ACTR6: variants seen among roughly 807,000 people sequenced by gnomAD.
ACTR6 encodes actin-related protein 6.
ACTR6 carries 50 observed loss-of-function variants against 52.5 expected under a neutral mutation model. The ratio of observed to expected loss-of-function variants is 0.95; its 90% CI spans 0.76 to 1.20. The LOEUF (loss-of-function observed/expected upper bound fraction) is 1.20, where lower values mean the gene tolerates loss of function less well. ACTR6 is among the 50% of genes most tolerant of loss of function. The probability of loss-of-function intolerance (pLI) is 0.00; values close to 1 mark genes in which losing one functional copy is unlikely to be tolerated. For synonymous variants in ACTR6, 135 were observed against 147.2 expected (o/e 0.92, Z 0.60); for missense variants, 344 against 472.4 (o/e 0.73, Z 2.52).
intron 8 of ACTR6, among the ~76,000 whole-genome samples, chr12:100,214,580 T>A (rs1045259830): frequency 2.6e-4 from 39 of 147,880 alleles, no homozygotes; most frequent in African/African-American, 7.8e-4. Context: ...AAAAAAAAAA[T>A]TAAAATTAGC....
At chr12:100,221,118 T>G (rs1324626689) in intron 10 of ACTR6, among the ~76,000 whole-genome samples, 2 of 152,066 alleles carry the variant, frequency 1.3e-5, no homozygotes, top group African/African-American at 2.4e-5. Flanking sequence ...CAAGGGCTCA[T>G]GAGTTGGCAA....
At chr12:100,219,175 A>G (rs988364012) in intron 9 of ACTR6, among the ~76,000 whole-genome samples, 10 of 151,616 alleles carry the variant, frequency 6.6e-5, no homozygotes, top group East Asian at 5.8e-4. Context: ...AAAAAAAAAA[A>G]AAAAGAAAAA....
At chr12:100,222,838 G>A (rs545732852) in intron 10 of ACTR6, among the ~76,000 whole-genome samples, 1 of 152,246 alleles carries the variant, frequency 6.6e-6, no homozygotes, top group East Asian at 1.9e-4. Flanking sequence ...CAAACTAGAT[G>A]TTTTACCTGC....
At chr12:100,207,962 T>C (rs1426528214) in intron 4 of ACTR6, 176 bp downstream of exon 4, 1 of 595,854 alleles carries the variant, frequency 1.7e-6, no homozygotes, top group South Asian at 1.7e-5. Flanking sequence ...GGATTTGAGA[T>C]CAGCCTGGGC....
At chr12:100,213,979 G>A (rs1163943502) in intron 8 of ACTR6, among the ~76,000 whole-genome samples, 2 of 152,144 alleles carry the variant, frequency 1.3e-5, no homozygotes, top group African/African-American at 4.8e-5. Flanking sequence ...TCCACTAATG[G>A]AAGGAGATTA....
At chr12:100,211,325 T>C (rs1306402384) in intron 6 of ACTR6, among the ~76,000 whole-genome samples, 1 of 152,166 alleles carries the variant, frequency 6.6e-6, no homozygotes, top group East Asian at 1.9e-4. Context: ...CAGGCTGGAG[T>C]GCAGTGGTTT....
intron 3 of ACTR6, 163 bp downstream of exon 3, chr12:100,205,907 T>C: frequency 2.3e-6 from 1 of 440,412 alleles, no homozygotes; most frequent in Non-Finnish European, 3.9e-6. Context: ...GAAGTAGAGG[T>C]TGAGTAAAGA....
At chr12:100,222,406 G>A (rs955917728) in intron 10 of ACTR6, among the ~76,000 whole-genome samples, 3 of 151,808 alleles carry the variant, frequency 2.0e-5, no homozygotes, top group Non-Finnish European at 4.4e-5. Context: ...GCATGCATGA[G>A]CCACCATGCC....
intron 10 of ACTR6, among the ~76,000 whole-genome samples, chr12:100,221,463 T>C (rs1271780012): frequency 6.6e-6 from 1 of 152,176 alleles, no homozygotes; most frequent in East Asian, 1.9e-4. Flanking sequence ...GCATATTGGC[T>C]TTTTCTCTTG....
Position 100,218,493 on chromosome 12 carries a change from G to C in ACTR6, c.829G>C (p.Val277Leu), listed in dbSNP as rs1466219443. ...ILRLANERFA[V>L]PEILFNPSDI... ...TCGTTTGGCCAATGAGAGATTTGCT[G>C]TTCCGGAAATACTCTTTAATCCTTC... The change falls in exon 9 of 11, where the codon GTT becomes CTT. Residue 277 changes from valine to leucine, a missense_variant. By Grantham distance (32) the Val-to-Leu change is conservative. Coordinates refer to ENST00000188312, the MANE Select transcript of ACTR6 (RefSeq NM_022496.5). This position sits in a 1 kb window ranked among gnomAD's most constrained non-coding sequence, Gnocchi z 4.2. 6.2e-7 allele frequency: 1 copy of C among 1,607,226 alleles called. No homozygotes were observed.
At position 100,217,794 on chromosome 12, in the gene ACTR6, A is replaced by C. The variant is rs1317801941; in HGVS notation, c.751-621A>C. ...GAGATGTAGGCTCTTTCCAGAAGGG[A>C]AAGGGGGAATCCTAATAGAATAGAG... On this transcript the variant is annotated intron_variant, in intron 8 of 10. Coordinates refer to ENST00000188312, the MANE Select transcript of ACTR6 (RefSeq NM_022496.5). Among the ~76,000 whole-genome samples, 3 of 152,166 alleles carry C rather than the reference A, an allele frequency of 2.0e-5. No homozygotes were observed. The East Asian group carries it at 5.8e-4, about 29-fold the overall frequency.
At chr12:100,217,192 G>A (rs1458325234) in intron 8 of ACTR6, among the ~76,000 whole-genome samples, 2 of 152,218 alleles carry the variant, frequency 1.3e-5, no homozygotes, top group African/African-American at 4.8e-5. Flanking sequence ...ACATGTTGCT[G>A]TCTTGCTTAC....
In ACTR6 at chr12:100,204,994, T is replaced by A. The variant is rs757171838; in HGVS notation, c.123T>A (p.Thr41=). Reference sequence around the variant, plus strand: ...AAACAGCACGTCTTAAAACTTTTACTGCCAACCAGATAGATGAAATAAAAG... The same window carrying A: ...AAACAGCACGTCTTAAAACTTTTACAGCCAACCAGATAGATGAAATAAAAG... ...RSKTARLKTF[T]ANQIDEIKDP... Residue 41 remains threonine, a synonymous_variant, in exon 2 of 11, where the codon ACT becomes ACA. Coordinates refer to ENST00000188312, the MANE Select transcript of ACTR6 (RefSeq NM_022496.5). 6.2e-7 allele frequency: 1 copy of A among 1,613,208 alleles called. No homozygotes were observed. Among genetic ancestry groups the A allele is most frequent in the Non-Finnish European group, 8.5e-7 (1 of 1,179,340 alleles).
intron 8 of ACTR6, among the ~76,000 whole-genome samples, chr12:100,217,213 G>C (rs938714499): frequency 1.3e-5 from 2 of 152,190 alleles, no homozygotes; most frequent in South Asian, 2.1e-4. Flanking sequence ...TATTATTCAA[G>C]AATTCATGGA....
chr12:100,205,600 T>C, intron 2 of ACTR6, 76 bp from the exon 3 acceptor site: 1 of 889,862 alleles, frequency 1.1e-6, no homozygotes, highest in Non-Finnish European at 1.6e-6. Flanking sequence ...TTAAAAATTA[T>C]TCAAATATTT....
intron 6 of ACTR6, among the ~76,000 whole-genome samples, 176 bp from the exon 7 acceptor site, chr12:100,212,080 T>C (rs1267106533): frequency 6.6e-6 from 1 of 152,202 alleles, no homozygotes. Flanking sequence ...AGGAATAGTG[T>C]GGAAATTAAT....
At chr12:100,207,541 A>T in intron 3 of ACTR6, 122 bp from the exon 4 acceptor site, 2 of 917,290 alleles carry the variant, frequency 2.2e-6, no homozygotes, top group Non-Finnish European at 3.0e-6. Context: ...CATCTATTAA[A>T]TGGGGATAGT....
chr12:100,210,410 T>G, intron 6 of ACTR6, 59 bp downstream of exon 6: 1 of 1,518,480 alleles, frequency 6.6e-7, no homozygotes, highest in Non-Finnish European at 9.1e-7. Flanking sequence ...CCTTTTACAG[T>G]AATTTAAGAT....
rs779146222 is a variant in ACTR6 at position 100,207,704 on chromosome 12, C to A, written c.297C>A (p.Tyr99Ter). 2 of 1,583,650 alleles carry A rather than the reference C, an allele frequency of 1.3e-6. No homozygotes were observed. The highest frequency in any genetic ancestry group is 2.7e-5 in the African/African-American group (2 of 74,316). Residue 99 changes from tyrosine (Y) to a stop codon, truncating the protein, a stop_gained, in exon 4 of 11, where the codon TAC becomes TAA. Coordinates refer to ENST00000188312, the MANE Select transcript of ACTR6 (RefSeq NM_022496.5). LOFTEE classifies it high-confidence loss of function. ...CTAATATTATTATCACTGAACCATACTTTAACTTCACTTCAATTCAAGAAT... is the reference window on the plus strand; with the variant it reads ...CTAATATTATTATCACTGAACCATAATTTAACTTCACTTCAATTCAAGAAT... ...LDTNIIITEPYFNFTSIQESM... is the reference protein window; with the variant it reads ...LDTNIIITEP
Sources: gnomAD v4.1 joint callset for allele counts (sites outside exome capture counted in the v4.1 genomes callset) on GRCh38, gnomAD v4.1.1 for gene constraint, Gnocchi (gnomAD v3.1) non-coding constraint, MANE v1.5 for transcripts, NCBI Gene and HGNC (gene_info 2026-07-23, HGNC 2026-07-21) for gene names.